The following DNAH10 variants were observed in gnomAD, a reference collection of about 807,000 sequenced individuals.
DNAH10 encodes the protein axonemal beta dynein heavy chain 10.
Under a neutral mutation model 506.6 loss-of-function variants are expected in DNAH10, and 348 were observed. The observed-to-expected ratio is 0.69, with a 90% CI of 0.63 to 0.75. The LOEUF is 0.75. Ranked by LOEUF, DNAH10 falls within the 30% of genes least tolerant of loss-of-function variation. The pLI, the probability that DNAH10 is intolerant of heterozygous loss-of-function variation, is 0.00. For synonymous variants in DNAH10, 2,059 were observed against 2,198.6 expected, an observed-to-expected ratio of 0.94 and a Z score of 1.78; for missense variants, 5,179 against 5,787.1, an observed-to-expected ratio of 0.89 and a Z score of 3.41.
In DNAH10 at chr12:123,914,343, T is replaced by A. The variant is rs200972712; in HGVS notation, c.10367T>A (p.Leu3456Gln). Residue 3456 changes from leucine (L) to glutamine (Q), a missense_variant, in exon 61 of 79, where the codon CTG (leucine) becomes CAG (glutamine). Transcript: ENST00000673944. ...GSENIRWLND[L>Q]DELMHRRVKL... ...TCCCGTGCCAGGTGGCTGAACGACC[T>A]GGATGAGCTGATGCACCGGCGCGTG... is the stretch of plus-strand genomic sequence containing the variant. 5.3e-5 allele frequency: 86 copies of A among 1,612,814 alleles called. No homozygotes were observed. The African/African-American group carries it at 9.6e-4, about 18-fold the overall frequency.
chr12:123,935,538 C>CAAG lies in DNAH10; in HGVS notation c.*57_*58insAAG, dbSNP rs1423322981. 8 of 1,448,796 alleles carry CAAG rather than the reference C, an allele frequency of 5.5e-6. No homozygotes were observed. In the East Asian group the frequency reaches 1.8e-4, roughly 33 times the overall value. The allele number at this position is 1,448,796 out of a possible 1,614,324, so 89.7% of individuals were successfully genotyped here. ...CGGAGCCTGGGGTTGTCAGAGTGAT[C>CAAG]GGGTCTGCTGTCATTTCTTGGGGCC... On this transcript the variant is annotated 3_prime_UTR_variant, in exon 79 of 79. Transcript: ENST00000673944.
At chr12:123,867,366 G>T in intron 41 of DNAH10, 101 bp from the exon 42 acceptor site, 2 of 1,278,496 alleles carry the variant, frequency 1.6e-6, no homozygotes. Context: ...TCATTCATCA[G>T]AAGATGTTGC....
chr12:123,801,390 G>T lies in DNAH10; in HGVS notation c.2572G>T (p.Val858Leu), dbSNP rs1238964118. The change falls in exon 16 of 79, where the codon GTG (valine) becomes TTG (leucine). Residue 858 changes from valine (V) to leucine (L), a missense_variant. Physicochemically the swap from Val to Leu is conservative, Grantham distance 32. Around this residue, in one of 3 missense-constraint regions of DNAH10, gnomAD observed 4,844 missense variants for 5,430.5 expected, o/e 0.89. Transcript: ENST00000673944. The part of the protein sequence containing the change: ...LKDHSQELLR[V>L]FRSGYKRLNW... ...AGATCATTCCCAGGAACTGCTCCGA[G>T]TGTTTAGGTCGGGATATAAGAGGTT... 3 of 1,614,196 alleles carry T rather than the reference G, an allele frequency of 1.9e-6. No individual in the cohort carries two copies. The highest frequency in any genetic ancestry group is 1.7e-6 in the Non-Finnish European group (2 of 1,180,044).
intron 41 of DNAH10, 62 bp from the exon 42 acceptor site, chr12:123,867,405 C>T: frequency 6.5e-7 from 1 of 1,545,584 alleles, no homozygotes; most frequent in Non-Finnish European, 8.7e-7. Flanking sequence ...GAAAAGCTTT[C>T]CACTAACTTC....
intron 51 of DNAH10, among the ~76,000 whole-genome samples, chr12:123,884,349 T>C (rs923922016): frequency 6.6e-6 from 1 of 152,212 alleles, no homozygotes; most frequent in African/African-American, 2.4e-5. Context: ...ATCATTGCCA[T>C]TACCACAGAG....
intron 47 of DNAH10, among the ~76,000 whole-genome samples, chr12:123,877,108 C>T (rs1952288162): frequency 6.6e-6 from 1 of 152,216 alleles, no homozygotes; most frequent in Non-Finnish European, 1.5e-5. Flanking sequence ...AACCCACACA[C>T]ATTAGCACTT....
intron 44 of DNAH10, 66 bp from the exon 45 acceptor site, chr12:123,871,391 A>G (rs1042424941): frequency 6.5e-7 from 1 of 1,539,354 alleles, no homozygotes; most frequent in East Asian, 2.4e-5. Context: ...GGACAACTCC[A>G]TGTTGCCCCC....
At position 123,931,426 on chromosome 12, in the gene DNAH10, G is replaced by C; in HGVS notation, c.12870G>C (p.Ala4290=). Residue 4290 remains alanine, a synonymous_variant, in exon 74 of 79, where the codon GCG becomes GCC. Coordinates refer to ENST00000673944, the MANE Select transcript of DNAH10 (RefSeq NM_001372106.1). ...PNAEIGYYTQ[A]ARDMWAHLLE... ...CTGAGATTGGCTATTACACGCAGGC[G>C]GCTCGAGACATGTGGGCTCACCTGC... 2 of 1,613,956 alleles carry C rather than the reference G, an allele frequency of 1.2e-6. No individual in the cohort carries two copies. Among genetic ancestry groups the C allele is most frequent in the Non-Finnish European group, 1.7e-6 (2 of 1,179,892 alleles).
chr12:123,906,246 T>A (rs567411428), intron 57 of DNAH10, among the ~76,000 whole-genome samples: 6 of 149,526 alleles, frequency 4.0e-5, no homozygotes, highest in East Asian at 2.0e-4. Flanking sequence ...TGGCTTTTTT[T>A]AAATTTATTT....
In DNAH10 at chr12:123,796,775, T is replaced by C. The variant is rs76791219; in HGVS notation, c.2106T>C (p.His702=). The C allele has an allele frequency of 0.12, 195,912 of 1,613,820 alleles. 15,730 individuals carry two copies. Among genetic ancestry groups the C allele is most frequent in the African/African-American group, 0.41 (30,714 of 74,946 alleles). Residue 702 remains histidine, a synonymous_variant, in exon 13 of 79, where the codon CAT becomes CAC. Coordinates refer to ENST00000673944, the MANE Select transcript of DNAH10 (RefSeq NM_001372106.1). Reference sequence around the variant, plus strand: ...GATCTCTGTTCTTTCGGATTAAGCATACCATCCTCCGATTTCAAGAGGTAC... The same window carrying C: ...GATCTCTGTTCTTTCGGATTAAGCACACCATCCTCCGATTTCAAGAGGTAC... ...WERSLFFRIK[H]TILRFQEVQE...
rs373232144 is a variant in DNAH10 at position 123,853,907 on chromosome 12, T to C, written c.6438+555T>C. On this transcript the variant is annotated intron_variant, in intron 36 of 78. Transcript: ENST00000673944. This position sits in a 1 kb window ranked among gnomAD's most constrained non-coding sequence, Gnocchi z 4.7. ...ACGCGCACACACGTACGCACGCACATGTACACATACGCACACGCACGCACA... is the reference window on the plus strand; with the variant it reads ...ACGCGCACACACGTACGCACGCACACGTACACATACGCACACGCACGCACA... 7.8e-4 allele frequency among the ~76,000 whole-genome samples: 116 copies of C among 148,062 alleles called. No homozygotes were observed. The highest frequency in any genetic ancestry group is 2.3e-3 in the African/African-American group (91 of 40,006).
In DNAH10 at chr12:123,914,374, G is replaced by C; in HGVS notation, c.10398G>C (p.Leu3466=). Residue 3466 remains leucine, a synonymous_variant, in exon 61 of 79, where the codon CTG becomes CTC. Transcript: ENST00000673944. ...AGCTGATGCACCGGCGCGTGAAGCT[G>C]CTGGGGGACTGCCTGCTCTGCGCGG... ...LDELMHRRVK[L]LGDCLLCAAF... is the part of the protein sequence containing the mutation. The C allele has an allele frequency of 1.9e-6, 3 of 1,613,438 alleles. No individual in the cohort carries two copies. The highest frequency in any genetic ancestry group is 2.5e-6 in the Non-Finnish European group (3 of 1,179,894).
intron 78 of DNAH10, 82 bp from the exon 79 acceptor site, chr12:123,935,253 G>A: frequency 3.9e-6 from 6 of 1,539,064 alleles, no homozygotes; most frequent in Admixed American, 1.7e-5. Context: ...GCCCCTGCCT[G>A]TCAAGACTTA....
In DNAH10 at chr12:123,910,594, G is replaced by A. The variant is rs552945433; in HGVS notation, c.10056G>A (p.Gly3352=). 1 of 1,613,666 alleles carries A rather than the reference G, an allele frequency of 6.2e-7. No homozygotes were observed. Among genetic ancestry groups the A allele is most frequent in the Non-Finnish European group, 8.5e-7 (1 of 1,179,854 alleles). The change falls in exon 59 of 79, where the codon GGG becomes GGA. Residue 3352 remains glycine (G), a synonymous_variant. Transcript: ENST00000673944. ...AAATGGAAGCTGTCAGCAAAGCCGG[G>A]CTGGGGATGCTGAAATTTGTTGAAG... ...TEEMEAVSKA[G]LGMLKFVEAV...
chr12:123,808,770 T>G, intron 18 of DNAH10, 27 bp from the exon 19 acceptor site: 1 of 1,611,948 alleles, frequency 6.2e-7, no homozygotes, highest in Non-Finnish European at 8.5e-7. Flanking sequence ...AGATACACTC[T>G]GAGTCTTTCT....
chr12:123,914,900 C>A lies in DNAH10; in HGVS notation c.10623C>A (p.Gly3541=). The change falls in exon 62 of 79, where the codon GGC becomes GGA. Residue 3541 remains glycine, a synonymous_variant. Transcript: ENST00000673944. Reference sequence around the variant, plus strand: ...CCGATGAGCTCTCCGTTCAGAATGGCATCCTCACCACCCGGGCCAGCCGCT... The same window carrying A: ...CCGATGAGCTCTCCGTTCAGAATGGAATCCTCACCACCCGGGCCAGCCGCT... ...LPPDELSVQN[G]ILTTRASRFP... is the part of the protein sequence containing the mutation. 6.2e-7 allele frequency: 1 copy of A among 1,613,574 alleles called. No homozygotes were observed. The highest frequency in any genetic ancestry group is 1.7e-5 in the Admixed American group (1 of 59,996).
Position 123,803,692 on chromosome 12 carries a change from G to A in DNAH10, c.2646G>A (p.Gln882=), listed in dbSNP as rs1338542772. 6.2e-6 allele frequency: 10 copies of A among 1,606,840 alleles called. No individual in the cohort carries two copies. Among genetic ancestry groups the A allele is most frequent in the African/African-American group, 1.3e-5 (1 of 74,206 alleles). Residue 882 remains glutamine, a synonymous_variant, in exon 17 of 79, where the codon CAG becomes CAA. Transcript: ENST00000673944. ...GTGACTATATAACTGGTTGCAAACA[G>A]GCCATTGGGAAATTTGAGTCTCTCG... The part of the protein sequence containing the change: ...GIGDYITGCK[Q]AIGKFESLVH...
At chr12:123,783,370 G>C in intron 7 of DNAH10, 106 bp downstream of exon 7, 1 of 1,350,428 alleles carries the variant, frequency 7.4e-7, no homozygotes, top group Admixed American at 2.2e-5. Flanking sequence ...TTTTCTTACT[G>C]TTTTATGACT....
chr12:123,881,572 T>C, intron 50 of DNAH10, 53 bp from the exon 51 acceptor site: 1 of 1,482,568 alleles, frequency 6.7e-7, no homozygotes, highest in Admixed American at 2.8e-5. Flanking sequence ...GATGGGTAGA[T>C]TGTAAAACCC....
Sources: allele counts gnomAD v4.1 joint callset (sites outside exome capture counted in the v4.1 genomes callset), GRCh38; gene constraint gnomAD v4.1.1; regional missense constraint gnomAD v4.1.1; non-coding constraint Gnocchi (gnomAD v3.1); transcripts MANE v1.5; gene names NCBI Gene and HGNC (gene_info 2026-07-23, HGNC 2026-07-21).